The following TMEM132C variants were observed in gnomAD, a reference collection of about 807,000 sequenced individuals.
TMEM132C encodes the protein protein phosphatase 1, regulatory subunit 152.
A neutral mutation model predicts 61.4 loss-of-function variants in TMEM132C; 29 were observed. The ratio of observed to expected loss-of-function variants is 0.47; its 90% CI spans 0.35 to 0.64. The LOEUF (loss-of-function observed/expected upper bound fraction) is 0.64, where lower values mean the gene tolerates loss of function less well. TMEM132C is among the 30% of genes least tolerant of loss of function. The pLI, the probability that TMEM132C is intolerant of heterozygous loss-of-function variation, is 0.00. For missense variants in TMEM132C, 1,408 were observed against 1,476.9 expected, an observed-to-expected ratio of 0.95 and a Z score of 0.76; for synonymous variants, 656 against 633.1, an observed-to-expected ratio of 1.04 and a Z score of -0.54.
intron 1 of TMEM132C, chr12:128,288,651 C>CTGAA (rs1385283935): frequency 6.6e-6 from 1 of 152,258 alleles, no homozygotes; most frequent in Non-Finnish European, 1.5e-5. Context: ...ACAGGACTTT[C>CTGAA]TGAACGGTGA....
chr12:128,330,766 A>G (rs1167675656), intron 1 of TMEM132C, among the ~76,000 whole-genome samples: 1 of 152,198 alleles, frequency 6.6e-6, no homozygotes, highest in Non-Finnish European at 1.5e-5. Context: ...TCTAGTTTTA[A>G]CCAAAAATAG....
intron 2 of TMEM132C, among the ~76,000 whole-genome samples, chr12:128,520,354 G>A (rs2030096705): frequency 6.6e-6 from 1 of 152,204 alleles, no homozygotes; most frequent in African/African-American, 2.4e-5. Context: ...GGACTACCCA[G>A]GACAAAGATT....
chr12:128,400,450 G>A (rs1875114711), intron 1 of TMEM132C, among the ~76,000 whole-genome samples: 2 of 152,272 alleles, frequency 1.3e-5, no homozygotes, highest in South Asian at 2.1e-4. Flanking sequence ...TTGGCCAGGG[G>A]CAGGGCTTTC....
At chr12:128,453,954 A>C (rs977716081) in intron 2 of TMEM132C, among the ~76,000 whole-genome samples, 1 of 152,010 alleles carries the variant, frequency 6.6e-6, no homozygotes, top group Non-Finnish European at 1.5e-5. Flanking sequence ...CGTGAAGGAG[A>C]TGTGTGGAGA....
At chr12:128,655,160 C>T (rs1483220994) in intron 4 of TMEM132C, among the ~76,000 whole-genome samples, 2 of 152,192 alleles carry the variant, frequency 1.3e-5, no homozygotes, top group Non-Finnish European at 2.9e-5. Flanking sequence ...GGTCAGGTAA[C>T]GTGTCCAGCC....
chr12:128,623,357 G>A (rs1347969319), intron 4 of TMEM132C, among the ~76,000 whole-genome samples: 2 of 151,642 alleles, frequency 1.3e-5, no homozygotes, highest in Non-Finnish European at 2.9e-5. Context: ...GCACATGCAT[G>A]CATATGTAAC....
chr12:128,344,042 T>C (rs1380896184), intron 1 of TMEM132C, among the ~76,000 whole-genome samples: 1 of 152,278 alleles, frequency 6.6e-6, no homozygotes, highest in African/African-American at 2.4e-5. Context: ...GTTTATCCAT[T>C]CATTCGTTGA....
chr12:128,459,124 C>G (rs1280713390), intron 2 of TMEM132C, among the ~76,000 whole-genome samples: 1 of 152,200 alleles, frequency 6.6e-6, no homozygotes, highest in African/African-American at 2.4e-5. Context: ...AAGGGGAAGA[C>G]TGGACCAGCA....
intron 1 of TMEM132C, among the ~76,000 whole-genome samples, chr12:128,308,502 T>C (rs945547556): frequency 6.6e-6 from 1 of 152,206 alleles, no homozygotes. Context: ...AAATTAGAAC[T>C]GTGTCCGGCA....
chr12:128,408,466 A>C (rs748204128), intron 1 of TMEM132C, among the ~76,000 whole-genome samples: 8 of 152,028 alleles, frequency 5.3e-5, no homozygotes, highest in Non-Finnish European at 1.0e-4. Context: ...TTCTCCAAGC[A>C]GATGAGTCTC....
At chr12:128,290,823 A>G (rs979483396) in intron 1 of TMEM132C, among the ~76,000 whole-genome samples, 7 of 149,678 alleles carry the variant, frequency 4.7e-5, no homozygotes, top group Non-Finnish European at 7.4e-5. Context: ...AAATAGATTC[A>G]CTTTGCCTTC....
chr12:128,352,889 T>C lies in TMEM132C; in HGVS notation c.86-61843T>C, dbSNP rs139222470. ...AGAGGAATTACATAAAGGAAAGAAA[T>C]ACCTTTTTCTAATTTAGTTCAGTGA... On this transcript the variant is annotated intron_variant, in intron 1 of 8. Transcript: ENST00000435159. Among the ~76,000 whole-genome samples the C allele has an allele frequency of 9.3e-4, 141 of 152,204 alleles. No individual in the cohort carries two copies. The Middle Eastern group carries it at 0.01, about 11-fold the overall frequency.
chr12:128,413,314 A>AAAC (rs1165829232), intron 1 of TMEM132C, among the ~76,000 whole-genome samples: 1 of 150,768 alleles, frequency 6.6e-6, no homozygotes, highest in Non-Finnish European at 1.5e-5. Context: ...AAAAAAAAAA[A>AAAC]AAAAAAACCA....
At chr12:128,627,148 G>A (rs1281874984) in intron 4 of TMEM132C, among the ~76,000 whole-genome samples, 1 of 152,220 alleles carries the variant, frequency 6.6e-6, no homozygotes, top group East Asian at 1.9e-4. Context: ...CCAAGATGGT[G>A]CTGACAGCTG....
At chr12:128,674,603 A>G (rs952792327) in intron 5 of TMEM132C, among the ~76,000 whole-genome samples, 1 of 152,160 alleles carries the variant, frequency 6.6e-6, no homozygotes, top group Non-Finnish European at 1.5e-5. Flanking sequence ...TCTCCAGCTT[A>G]TTGGGAAAAT....
At chr12:128,300,473 G>A (rs923527070) in intron 1 of TMEM132C, among the ~76,000 whole-genome samples, 2 of 152,116 alleles carry the variant, frequency 1.3e-5, no homozygotes, top group African/African-American at 2.4e-5. Flanking sequence ...TTTTTCTTCT[G>A]TGAAGAAAGT....
intron 3 of TMEM132C, among the ~76,000 whole-genome samples, chr12:128,571,541 A>G (rs973854173): frequency 2.6e-5 from 4 of 152,192 alleles, no homozygotes; most frequent in Non-Finnish European, 5.9e-5. Context: ...CGTACCCATT[A>G]AACACTAATT....
intron 4 of TMEM132C, among the ~76,000 whole-genome samples, chr12:128,619,433 C>T (rs527879760): frequency 2.0e-5 from 3 of 152,330 alleles, no homozygotes; most frequent in East Asian, 1.9e-4. Flanking sequence ...GACGTGCTCT[C>T]GACTCTCCCC....
intron 1 of TMEM132C, among the ~76,000 whole-genome samples, chr12:128,350,995 A>G (rs1162614853): frequency 6.6e-6 from 1 of 152,126 alleles, no homozygotes; most frequent in African/African-American, 2.4e-5. Flanking sequence ...GGGAGTAGAA[A>G]CAAAAGGAAG....
Sources: gnomAD v4.1 joint callset for allele counts (sites outside exome capture counted in the v4.1 genomes callset) on GRCh38, gnomAD v4.1.1 for gene constraint, MANE v1.5 for transcripts, NCBI Gene and HGNC (gene_info 2026-07-23, HGNC 2026-07-21) for gene names.